RHEB: variants seen among roughly 807,000 people sequenced by gnomAD.
RHEB encodes Ras homolog, mTORC1 binding, also known as GTP-binding protein Rheb.
RHEB carries 2 observed loss-of-function variants against 28.8 expected under a neutral mutation model. The ratio of observed to expected loss-of-function variants is 0.07; its 90% CI spans 0.03 to 0.22. The LOEUF (loss-of-function observed/expected upper bound fraction) is 0.22. Among genes scored for constraint, RHEB ranks in the 10% least tolerant of loss-of-function variants. The pLI is 1.00. For synonymous variants in RHEB, 69 were observed against 77.3 expected, an observed-to-expected ratio of 0.89 and a Z score of 0.56; for missense variants, 76 against 219.9, an observed-to-expected ratio of 0.35 and a Z score of 4.14.
chr7:151,490,182 A>G (rs767615666), intron 2 of RHEB, among the ~76,000 whole-genome samples: 1 of 152,186 alleles, frequency 6.6e-6, no homozygotes, highest in Non-Finnish European at 1.5e-5. Flanking sequence ...GTATGCCTGT[A>G]GTTCCAGCCA....
intron 1 of RHEB, among the ~76,000 whole-genome samples, chr7:151,492,689 C>T (rs192707530): frequency 6.6e-6 from 1 of 152,070 alleles, no homozygotes; most frequent in East Asian, 1.9e-4. Flanking sequence ...CCTATTTACT[C>T]CTTATCCGCA....
At position 151,484,641 on chromosome 7, in the gene RHEB, G is replaced by C. The variant is rs555533953; in HGVS notation, c.192+96C>G. The C allele has an allele frequency of 8.1e-5, 73 of 904,914 alleles. No individual in the cohort carries two copies. In the South Asian group the frequency reaches 1.0e-3, roughly 13 times the overall value. 56.1% of individuals were successfully genotyped at this position (904,914 alleles called of 1,614,324 possible). A position where few individuals can be genotyped will look rare whatever the true frequency, so the allele number is the denominator to read the frequency against. The stretch of plus-strand genomic sequence containing the variant: ...GGACTGTCTGCACACAACCTGAGGG[G>C]TTTTCTTGGCATAGCTGGTACTTTT... On this transcript the variant is annotated intron_variant, in intron 3 of 7. Coordinates refer to ENST00000262187, the MANE Select transcript of RHEB (RefSeq NM_005614.4).
chr7:151,469,208 G>A (rs975291898), intron 7 of RHEB, among the ~76,000 whole-genome samples: 14 of 152,150 alleles, frequency 9.2e-5, no homozygotes, highest in Non-Finnish European at 7.4e-5. Context: ...ATAACCACAT[G>A]GATTCACTAT....
rs1423515408 is a variant in RHEB at position 151,466,192 on chromosome 7, C to CA, written c.*926dup. ...CAAATGAAATCCCTCTTCTCCTTTA[C>CA]AGCTGCTCCTTGGACAGAGGGAGGC... On this transcript the variant is annotated 3_prime_UTR_variant, in exon 8 of 8. Coordinates refer to ENST00000262187, the MANE Select transcript of RHEB (RefSeq NM_005614.4). The CA allele has an allele frequency of 6.6e-6, 1 of 152,258 alleles. No homozygotes were observed. The highest frequency in any genetic ancestry group is 6.5e-5 in the Admixed American group (1 of 15,284). 9.4% of individuals were successfully genotyped at this position (152,258 alleles called of 1,614,324 possible).
chr7:151,476,275 G>T (rs539190148), intron 4 of RHEB, among the ~76,000 whole-genome samples: 2 of 152,326 alleles, frequency 1.3e-5, no homozygotes, highest in Admixed American at 6.5e-5. Flanking sequence ...AAGGAACCCA[G>T]ACACTGGCCA....
At chr7:151,486,770 G>C (rs1802483368) in intron 2 of RHEB, among the ~76,000 whole-genome samples, 1 of 152,156 alleles carries the variant, frequency 6.6e-6, no homozygotes, top group African/African-American at 2.4e-5. Flanking sequence ...GGTGACACTG[G>C]CCTGGATTAG....
intron 1 of RHEB, among the ~76,000 whole-genome samples, chr7:151,509,147 C>T (rs1343338435): frequency 2.6e-5 from 4 of 152,154 alleles, no homozygotes; most frequent in East Asian, 3.9e-4. Flanking sequence ...GCAACGTGAG[C>T]GTGTGGGGCC....
chr7:151,468,415 C>A lies in RHEB; in HGVS notation c.463-1204G>T, dbSNP rs1253788576. On this transcript the variant is annotated intron_variant, in intron 7 of 7. Transcript: ENST00000262187. The surrounding 1 kb of genome is among the most constrained non-coding windows in gnomAD (Gnocchi z 4.3). ...CGCTGGCACGGTGCCCGCGGCCACA[C>A]CGTAAACGCTGCCCAGGGAAAACAC... Among the ~76,000 whole-genome samples, 2 of 152,338 alleles carry A rather than the reference C, an allele frequency of 1.3e-5. No homozygotes were observed. The highest frequency in any genetic ancestry group is 4.1e-4 in the South Asian group (2 of 4,824).
At chr7:151,508,022 G>A (rs1186053158) in intron 1 of RHEB, among the ~76,000 whole-genome samples, 1 of 152,128 alleles carries the variant, frequency 6.6e-6, no homozygotes, top group Admixed American at 6.5e-5. Flanking sequence ...AAGCTGAGGT[G>A]GAAGGCAACA....
chr7:151,480,974 G>A (rs1444458127), intron 3 of RHEB, among the ~76,000 whole-genome samples: 1 of 152,068 alleles, frequency 6.6e-6, no homozygotes, highest in Admixed American at 6.6e-5. Flanking sequence ...GTGAATCTAA[G>A]TTATTAACCC....
intron 5 of RHEB, 26 bp downstream of exon 5, chr7:151,471,523 C>G: frequency 6.3e-7 from 1 of 1,582,530 alleles, no homozygotes; most frequent in Non-Finnish European, 8.6e-7. Context: ...GTTTCTCTAA[C>G]AAGCAGATAA....
intron 1 of RHEB, among the ~76,000 whole-genome samples, chr7:151,508,307 T>C (rs1201150308): frequency 6.6e-6 from 1 of 152,254 alleles, no homozygotes; most frequent in African/African-American, 2.4e-5. Context: ...AAACCATTCA[T>C]ATTTTATAAA....
At chr7:151,467,252 GCCGAACT>G in intron 7 of RHEB, 41 bp from the exon 8 acceptor site, 1 of 1,428,688 alleles carries the variant, frequency 7.0e-7, no homozygotes, top group Non-Finnish European at 9.9e-7. Flanking sequence ...TTAGTGTGAA[GCCGAACT>G]CCGAGAGTAT....
rs114480902 is a variant in RHEB, at chr7:151,501,621, T to C, written c.53-10607A>G. ...TTTATGGAAGACAAACGAAAATTTA[T>C]GGTCAACACAAAAACCTGTATTTGC... On this transcript the variant is annotated intron_variant, in intron 1 of 7. Transcript: ENST00000262187. Among the ~76,000 whole-genome samples, 522 of 152,352 alleles carry C rather than the reference T, an allele frequency of 3.4e-3. 3 individuals carry two copies. The highest frequency in any genetic ancestry group is 0.012 in the African/African-American group (484 of 41,576).
Position 151,519,491 on chromosome 7 carries a change from C to T in RHEB, c.21G>A (p.Arg7=). The change falls in exon 1 of 8, where the codon CGG becomes CGA. Residue 7 remains arginine, a synonymous_variant. Coordinates refer to ENST00000262187, the MANE Select transcript of RHEB (RefSeq NM_005614.4). ...ACCGGTAGCCCAGGATCGCGATCTT[C>T]CGGGACTTGGACTGCGGCATCTTGG... The part of the protein sequence containing the change: MPQSKS[R]KIAILGYRSV... 1 of 1,555,184 alleles carries T rather than the reference C, an allele frequency of 6.4e-7. No homozygotes were observed. The highest frequency in any genetic ancestry group is 1.2e-5 in the South Asian group (1 of 85,432).
intron 1 of RHEB, among the ~76,000 whole-genome samples, chr7:151,518,806 C>A (rs569382456): frequency 6.6e-6 from 1 of 152,332 alleles, no homozygotes; most frequent in South Asian, 2.1e-4. Flanking sequence ...ATCAGACATT[C>A]CTTTTTCTCT....
At position 151,519,745 on chromosome 7, in the gene RHEB, G is replaced by T; in HGVS notation, c.-234C>A. On this transcript the variant is annotated 5_prime_UTR_variant, in exon 1 of 8. Coordinates refer to ENST00000262187, the MANE Select transcript of RHEB (RefSeq NM_005614.4). Reference sequence around the variant, plus strand: ...CACGTGACCGGCCGGCGTCAGCACCGCCCCTCTTCGCGCCGTGGCCCGCCG... The same window carrying T: ...CACGTGACCGGCCGGCGTCAGCACCTCCCCTCTTCGCGCCGTGGCCCGCCG... The T allele has an allele frequency of 2.9e-6, 1 of 340,220 alleles. No individual in the cohort carries two copies. The highest frequency in any genetic ancestry group is 5.3e-6 in the Non-Finnish European group (1 of 188,596). The allele number at this position is 340,220 out of a possible 1,614,324, so 21.1% of individuals were successfully genotyped here.
chr7:151,515,076 A>AAAAAG (rs1554441048), intron 1 of RHEB, among the ~76,000 whole-genome samples: 3 of 151,650 alleles, frequency 2.0e-5, no homozygotes, highest in African/African-American at 7.3e-5. Context: ...GCCAAAAAAA[A>AAAAAG]AAAGAAAGAA....
intron 1 of RHEB, among the ~76,000 whole-genome samples, chr7:151,516,289 G>C (rs1346963883): frequency 6.6e-6 from 1 of 152,008 alleles, no homozygotes; most frequent in Non-Finnish European, 1.5e-5. Context: ...CCTATTGGTA[G>C]TTCTGACAAC....
Sources: allele counts gnomAD v4.1 joint callset (sites outside exome capture counted in the v4.1 genomes callset), GRCh38; gene constraint gnomAD v4.1.1; non-coding constraint Gnocchi (gnomAD v3.1); transcripts MANE v1.5; gene names NCBI Gene and HGNC (gene_info 2026-07-23, HGNC 2026-07-21).